The following ADAMTS9 variants were observed in gnomAD, a reference collection of about 807,000 sequenced individuals.
ADAMTS9 encodes the protein ADAM metallopeptidase with thrombospondin type 1 motif 9.
In ADAMTS9, 107 loss-of-function variants were observed where a neutral mutation model predicts 257.1. The ratio of observed to expected loss-of-function variants is 0.42; its 90% CI spans 0.36 to 0.49. The LOEUF (loss-of-function observed/expected upper bound fraction) is 0.49. ADAMTS9 is among the 20% of genes least tolerant of loss of function. ADAMTS9 has a pLI of 0.03. For synonymous variants in ADAMTS9, 982 were observed against 880.9 expected (o/e 1.11, Z -2.03); for missense variants, 2,353 against 2,469.1 (o/e 0.95, Z 1.00).
intron 3 of ADAMTS9, among the ~76,000 whole-genome samples, chr3:64,665,555 G>C (rs983106691): frequency 3.3e-5 from 5 of 152,166 alleles, no homozygotes; most frequent in African/African-American, 1.2e-4. Context: ...CAGTCACAAA[G>C]TCATAAAGTG....
chr3:64,632,732 T>G (rs1700398255), intron 14 of ADAMTS9, among the ~76,000 whole-genome samples: 1 of 152,060 alleles, frequency 6.6e-6, no homozygotes, highest in Non-Finnish European at 1.5e-5. Flanking sequence ...CAAGGAAATC[T>G]GCAGTATAAG....
In ADAMTS9 at chr3:64,654,765, A is replaced by T. The variant is rs1312147411; in HGVS notation, c.1170-153T>A. On this transcript the variant is annotated intron_variant, in intron 6 of 39. Coordinates refer to ENST00000498707, the MANE Select transcript of ADAMTS9 (RefSeq NM_182920.2). ...TCATAAGACCAGAGTTTCAAAACTC[A>T]AAAAATTTTTGGAATTGTTGATTTA... 1.1e-5 allele frequency: 8 copies of T among 753,826 alleles called. No homozygotes were observed. The African/African-American group carries it at 1.1e-4, about 10-fold the overall frequency. The allele number at this position is 753,826 out of a possible 1,614,324, so 46.7% of individuals were successfully genotyped here.
intron 3 of ADAMTS9, among the ~76,000 whole-genome samples, chr3:64,661,415 C>A (rs913731456): frequency 6.6e-6 from 1 of 152,130 alleles, no homozygotes; most frequent in African/African-American, 2.4e-5. Context: ...GCATTGAATT[C>A]GGCTCTTTTA....
chr3:64,648,074 T>C (rs1700840890), intron 10 of ADAMTS9, 30 bp from the exon 11 acceptor site: 2 of 1,568,814 alleles, frequency 1.3e-6, no homozygotes, highest in African/African-American at 1.4e-5. Context: ...GGCAATTGAG[T>C]GACAAGTGAT....
chr3:64,639,293 G>GTTGT (rs1700576246), intron 12 of ADAMTS9, among the ~76,000 whole-genome samples: 2 of 56,938 alleles, frequency 3.5e-5, no homozygotes, highest in Non-Finnish European at 5.8e-5. Context: ...TAGGTGGATT[G>GTTGT]TTTTTTTTTT....
At chr3:64,554,086 T>C (rs1055146651) in intron 30 of ADAMTS9, among the ~76,000 whole-genome samples, 3 of 152,214 alleles carry the variant, frequency 2.0e-5, no homozygotes, top group Non-Finnish European at 4.4e-5. Flanking sequence ...CAGCTAAACC[T>C]GGACTAAACC....
chr3:64,538,360 C>T (rs2083075497), intron 37 of ADAMTS9, among the ~76,000 whole-genome samples: 1 of 151,746 alleles, frequency 6.6e-6, no homozygotes, highest in Non-Finnish European at 1.5e-5. Flanking sequence ...CAAAGGAAAC[C>T]CAGATAAGTC....
chr3:64,643,645 T>C (rs929752920), intron 11 of ADAMTS9, among the ~76,000 whole-genome samples: 4 of 151,674 alleles, frequency 2.6e-5, no homozygotes, highest in African/African-American at 9.7e-5. Context: ...ATAGAGACAG[T>C]TAGGGGTGGG....
In ADAMTS9 at chr3:64,567,767, T is replaced by C. The variant is rs17071111; in HGVS notation, c.4524+601A>G. ...ATATAACTCTTGAGAGCCTACTAGA[T>C]TGAAGACCCCTGCAAAGCGCTGGGC... On this transcript the variant is annotated intron_variant, in intron 29 of 39. Coordinates refer to ENST00000498707, the MANE Select transcript of ADAMTS9 (RefSeq NM_182920.2). 9.0e-4 allele frequency among the ~76,000 whole-genome samples: 137 copies of C among 152,084 alleles called. 1 individual carries two copies. The highest frequency in any genetic ancestry group is 3.0e-3 in the African/African-American group (125 of 41,466).
intron 16 of ADAMTS9, among the ~76,000 whole-genome samples, chr3:64,628,025 T>C: frequency 6.6e-6 from 1 of 152,052 alleles, no homozygotes; most frequent in East Asian, 1.9e-4. Context: ...GTTCAAAGGC[T>C]CTGAGGTCTC....
At chr3:64,649,841 T>C in intron 9 of ADAMTS9, 63 bp from the exon 10 acceptor site, 1 of 1,555,546 alleles carries the variant, frequency 6.4e-7, no homozygotes, top group Non-Finnish European at 8.7e-7. Context: ...CTCCCCCAGG[T>C]AACAGTAAAG....
chr3:64,596,890 A>T lies in ADAMTS9; in HGVS notation c.4119T>A (p.Asp1373Glu). The T allele has an allele frequency of 6.2e-7, 1 of 1,614,052 alleles. No individual in the cohort carries two copies. Among genetic ancestry groups the T allele is most frequent in the South Asian group, 1.1e-5 (1 of 91,086 alleles). Reference sequence around the variant, plus strand: ...GGCCGGATTCACAGGCTCTTTGCTCATCAGGTTTTATTCTCTCCACACAGT... The same window carrying T: ...GGCCGGATTCACAGGCTCTTTGCTCTTCAGGTTTTATTCTCTCCACACAGT... Reference protein sequence around the residue: ...ANDCVERIKPDEQRACESGPC... With the variant: ...ANDCVERIKPEEQRACESGPC... The change falls in exon 27 of 40, where the codon GAT (aspartate) becomes GAA (glutamate). Residue 1373 changes from aspartate (D) to glutamate (E), a missense_variant. By Grantham distance (45) the Asp-to-Glu change is conservative. This residue lies in a region of ADAMTS9 where 1,402 missense variants were observed against 1,441.4 expected (regional missense o/e 0.97). Transcript: ENST00000498707.
intron 3 of ADAMTS9, among the ~76,000 whole-genome samples, chr3:64,670,307 G>A (rs1331467652): frequency 1.3e-5 from 2 of 152,310 alleles, no homozygotes; most frequent in Middle Eastern, 3.4e-3. Context: ...AAGTACACTG[G>A]TTGGACATGG....
Position 64,686,553 on chromosome 3 carries a change from C to T in ADAMTS9, c.516+15G>A, listed in dbSNP as rs1312725230. Reference sequence around the variant, plus strand: ...GGAGGCGGAAGGGGAGAGGAGGTGGCGCGCGCCCACTTACCATTCCTGAGC... The same window carrying T: ...GGAGGCGGAAGGGGAGAGGAGGTGGTGCGCGCCCACTTACCATTCCTGAGC... On this transcript the variant is annotated intron_variant, in intron 2 of 39. Transcript: ENST00000498707. This position sits in a 1 kb window ranked among gnomAD's most constrained non-coding sequence, Gnocchi z 4.6. 1.9e-6 allele frequency: 3 copies of T among 1,582,428 alleles called. No individual in the cohort carries two copies. Among genetic ancestry groups the T allele is most frequent in the Admixed American group, 1.8e-5 (1 of 56,248 alleles).
In ADAMTS9 at chr3:64,550,577, A is replaced by G. The variant is rs1489175432; in HGVS notation, c.4869+315T>C. On this transcript the variant is annotated intron_variant, in intron 31 of 39. Coordinates refer to ENST00000498707, the MANE Select transcript of ADAMTS9 (RefSeq NM_182920.2). ...TATTTTCTTATACTTAACTGTCTTC[A>G]GGCACCTCACAGCATCCTATGAGTT... is the stretch of plus-strand genomic sequence containing the variant. 12 of 304,944 alleles carry G rather than the reference A, an allele frequency of 3.9e-5. No homozygotes were observed. The East Asian group carries it at 8.2e-4, about 21-fold the overall frequency. The allele number at this position is 304,944 out of a possible 1,614,324, so 18.9% of individuals were successfully genotyped here.
At chr3:64,670,498 T>C (rs1296436528) in intron 3 of ADAMTS9, among the ~76,000 whole-genome samples, 2 of 152,202 alleles carry the variant, frequency 1.3e-5, no homozygotes, top group African/African-American at 2.4e-5. Flanking sequence ...CTGCATGAAA[T>C]CTACGGTGCA....
At chr3:64,577,054 A>C (rs1174217678) in intron 28 of ADAMTS9, among the ~76,000 whole-genome samples, 1 of 152,222 alleles carries the variant, frequency 6.6e-6, no homozygotes, top group Non-Finnish European at 1.5e-5. Context: ...TAAATATAGC[A>C]GTATATGAAA....
rs1282741499 is a variant in ADAMTS9, at chr3:64,534,204, C to T, written c.5614-934G>A. Among the ~76,000 whole-genome samples the T allele has an allele frequency of 2.0e-5, 3 of 152,146 alleles. No homozygotes were observed. The South Asian group carries it at 6.2e-4, about 32-fold the overall frequency. ...AAGGAGGAGCTCACAGCTGATCAGA[C>T]CCGCGTGTAAGAAAAATTCTTTCAC... On this transcript the variant is annotated intron_variant, in intron 37 of 39. Coordinates refer to ENST00000498707, the MANE Select transcript of ADAMTS9 (RefSeq NM_182920.2).
At chr3:64,641,307 T>C (rs997512462) in intron 12 of ADAMTS9, among the ~76,000 whole-genome samples, 2 of 151,814 alleles carry the variant, frequency 1.3e-5, no homozygotes, top group Non-Finnish European at 2.9e-5. Context: ...TTTTTTGTTG[T>C]TTTTTTATTT....
Sources: gnomAD v4.1 joint callset for allele counts (sites outside exome capture counted in the v4.1 genomes callset) on GRCh38, gnomAD v4.1.1 for gene constraint, gnomAD v4.1.1 regional missense constraint, Gnocchi (gnomAD v3.1) non-coding constraint, MANE v1.5 for transcripts, NCBI Gene and HGNC (gene_info 2026-07-23, HGNC 2026-07-21) for gene names.